The following KIN variants were observed in gnomAD, a reference collection of about 807,000 sequenced individuals.
KIN encodes the protein DNA/RNA-binding protein KIN17.
In KIN, 47 loss-of-function variants were observed where a neutral mutation model predicts 63.0. The observed-to-expected ratio is 0.75, with a 90% confidence interval of 0.59 to 0.95. The LOEUF is 0.95. Among genes scored for constraint, KIN ranks in the 40% least tolerant of loss-of-function variants. The pLI is 0.00. For synonymous variants in KIN, 160 were observed against 157.7 expected (o/e 1.01, Z -0.11); for missense variants, 408 against 460.9 (o/e 0.89, Z 1.05).
In KIN at chr10:7,781,495, G is replaced by A. The variant is rs891698315; in HGVS notation, c.210-1188C>T. 2.0e-5 allele frequency among the ~76,000 whole-genome samples: 3 copies of A among 151,938 alleles called. No individual in the cohort carries two copies. In the East Asian group the frequency reaches 5.8e-4, roughly 29 times the overall value. On this transcript the variant is annotated intron_variant, in intron 2 of 12. Coordinates refer to ENST00000379562, the MANE Select transcript of KIN (RefSeq NM_012311.4). ...GGCCTGGGTATGATGGCTCATACCT[G>A]TAATCCCAGGACTTTGGGAGATCGA...
rs146062558 is a variant in KIN at position 7,780,059 on chromosome 10, C to T, written c.373G>A (p.Glu125Lys). ...AACTTTAAAATCTCATTCTTACCTT[C>T]TCTGCCCAGCCACTTAGTAAAATCA... ...LTDFTKWLGREGLCKVDETPK... is the reference protein window; with the variant it reads ...LTDFTKWLGRKGLCKVDETPK... Residue 125 changes from glutamate (E) to lysine (K), a missense_variant, in exon 4 of 13, where the codon GAA becomes AAA. Physicochemically the swap from Glu to Lys is moderately conservative, Grantham distance 56 (BLOSUM62 1). This residue lies in a region of KIN where 110 missense variants were observed against 164.9 expected (regional missense o/e 0.67). Transcript: ENST00000379562. The T allele has an allele frequency of 5.1e-5, 83 of 1,612,262 alleles. No homozygotes were observed. Among genetic ancestry groups the T allele is most frequent in the Non-Finnish European group, 1.5e-5 (18 of 1,179,054 alleles).
chr10:7,774,617 C>A (rs1835731404), intron 7 of KIN, among the ~76,000 whole-genome samples: 1 of 151,202 alleles, frequency 6.6e-6, no homozygotes, highest in African/African-American at 2.4e-5. Context: ...ACCTTGAGCC[C>A]AGGAGTTCGA....
intron 9 of KIN, among the ~76,000 whole-genome samples, chr10:7,764,010 G>A (rs936077176): frequency 6.6e-6 from 1 of 152,006 alleles, no homozygotes; most frequent in African/African-American, 2.4e-5. Flanking sequence ...GTTAGCAAGA[G>A]GAAAAAAATA....
rs1038027893 is a variant in KIN at position 7,776,333 on chromosome 10, G to A, written c.559-534C>T. 2.7e-5 allele frequency among the ~76,000 whole-genome samples: 4 copies of A among 148,790 alleles called. No homozygotes were observed. In the South Asian group the frequency reaches 8.7e-4, roughly 32 times the overall value. On this transcript the variant is annotated intron_variant, in intron 5 of 12. Coordinates refer to ENST00000379562, the MANE Select transcript of KIN (RefSeq NM_012311.4). Reference sequence around the variant, plus strand: ...AGGCAGGTGGATCACCTGAGGTCAGGCATTCGAGATGAGCCTGGCCAACGT... The same window carrying A: ...AGGCAGGTGGATCACCTGAGGTCAGACATTCGAGATGAGCCTGGCCAACGT...
rs1350303851 is a variant in KIN, at chr10:7,755,608, A to G, written c.*472T>C. 1 of 152,348 alleles carries G rather than the reference A, an allele frequency of 6.6e-6. No individual in the cohort carries two copies. The highest frequency in any genetic ancestry group is 2.4e-5 in the African/African-American group (1 of 41,482). The allele number at this position is 152,348 out of a possible 1,614,324, so 9.4% of individuals were successfully genotyped here. A position where few individuals can be genotyped will look rare whatever the true frequency, so the allele number is the denominator to read the frequency against. ...CTGCAAAAATACTAAAAACCACTGAATTGTATGTATATTTTAAATGAGTGA... is the reference window on the plus strand; with the variant it reads ...CTGCAAAAATACTAAAAACCACTGAGTTGTATGTATATTTTAAATGAGTGA... On this transcript the variant is annotated 3_prime_UTR_variant, in exon 13 of 13. Coordinates refer to ENST00000379562, the MANE Select transcript of KIN (RefSeq NM_012311.4).
chr10:7,762,623 G>A (rs1835458902), intron 10 of KIN, 67 bp from the exon 11 acceptor site: 1 of 798,528 alleles, frequency 1.3e-6, no homozygotes, highest in East Asian at 2.7e-5. Context: ...AAGGTCAAAA[G>A]CAAATGAAAT....
chr10:7,768,600 A>G (rs78662495), intron 8 of KIN, among the ~76,000 whole-genome samples: 6,059 of 152,242 alleles, frequency 0.04, 149 homozygotes, highest in South Asian at 0.059. Flanking sequence ...GCGGAAGTCA[A>G]AGTCAACAGG....
intron 4 of KIN, 115 bp from the exon 5 acceptor site, chr10:7,779,134 G>T: frequency 2.4e-6 from 3 of 1,227,546 alleles, no homozygotes; most frequent in Non-Finnish European, 3.4e-6. Flanking sequence ...CAGGCCGAGC[G>T]CAGTGGCTTA....
Position 7,762,539 on chromosome 10 carries a change from ATATT to A in KIN, c.932_935del (p.Lys311IlefsTer5). 1 of 1,604,180 alleles carries A rather than the reference ATATT, an allele frequency of 6.2e-7. No homozygotes were observed. The highest frequency in any genetic ancestry group is 8.5e-7 in the Non-Finnish European group (1 of 1,172,494). ...AATCAATCATCTTCACAACAGCTGT[ATATT>A]TGTCAATTACTTCCTGTCATGTAAA... On this transcript the variant is annotated frameshift_variant, in exon 11 of 13. Coordinates refer to ENST00000379562, the MANE Select transcript of KIN (RefSeq NM_012311.4). LOFTEE classifies it high-confidence loss of function.
intron 6 of KIN, 85 bp from the exon 7 acceptor site, chr10:7,774,976 C>T: frequency 1.1e-6 from 1 of 952,254 alleles, no homozygotes; most frequent in Admixed American, 1.9e-5. Flanking sequence ...AAAGTGTTCA[C>T]AGAGGAACTC....
chr10:7,764,054 A>G (rs1359101333), intron 9 of KIN, among the ~76,000 whole-genome samples: 1 of 152,174 alleles, frequency 6.6e-6, no homozygotes, highest in Non-Finnish European at 1.5e-5. Context: ...TGATTTCTAC[A>G]TTGCAGATTT....
At chr10:7,776,622 T>C (rs1380943587) in intron 5 of KIN, among the ~76,000 whole-genome samples, 2 of 151,186 alleles carry the variant, frequency 1.3e-5, no homozygotes, top group Non-Finnish European at 2.9e-5. Context: ...TCCCAGCTAC[T>C]TGGGAGGCTG....
At chr10:7,764,224 C>A (rs975700553) in intron 9 of KIN, among the ~76,000 whole-genome samples, 1 of 152,174 alleles carries the variant, frequency 6.6e-6, no homozygotes, top group Non-Finnish European at 1.5e-5. Flanking sequence ...AGGCACTGAG[C>A]CTGCAAGCTT....
intron 10 of KIN, among the ~76,000 whole-genome samples, chr10:7,763,093 T>C (rs1835468894): frequency 6.6e-6 from 1 of 151,964 alleles, no homozygotes; most frequent in Admixed American, 6.6e-5. Context: ...CCGTTTCTAC[T>C]AAAAATATAA....
At chr10:7,786,002 C>T (rs1231143580) in intron 1 of KIN, among the ~76,000 whole-genome samples, 1 of 152,104 alleles carries the variant, frequency 6.6e-6, no homozygotes, top group African/African-American at 2.4e-5. Flanking sequence ...TTTGTCAAAA[C>T]CCATAGGATG....
At chr10:7,786,897 A>G (rs1293480504) in intron 1 of KIN, among the ~76,000 whole-genome samples, 1 of 152,234 alleles carries the variant, frequency 6.6e-6, no homozygotes, top group Non-Finnish European at 1.5e-5. Context: ...TATGAGTCCT[A>G]CCTAAAATAC....
In KIN at chr10:7,787,937, G is replaced by T. The variant is rs773504230; in HGVS notation, c.-4C>A. On this transcript the variant is annotated 5_prime_UTR_variant, in exon 1 of 13. Transcript: ENST00000379562. ...TAAGAAAATCCGACTTCCCCATGGC[G>T]ACCACGGCAGCGATCACTTTCTGGA... 1.2e-6 allele frequency: 2 copies of T among 1,601,716 alleles called. No homozygotes were observed. The highest frequency in any genetic ancestry group is 1.3e-5 in the African/African-American group (1 of 74,794).
At chr10:7,775,256 C>T (rs1835746605) in intron 6 of KIN, among the ~76,000 whole-genome samples, 1 of 152,220 alleles carries the variant, frequency 6.6e-6, no homozygotes, top group Non-Finnish European at 1.5e-5. Context: ...CTAATCCAAT[C>T]AACATAATCC....
intron 9 of KIN, among the ~76,000 whole-genome samples, chr10:7,765,224 G>C (rs1162981819): frequency 6.6e-6 from 1 of 150,738 alleles, no homozygotes; most frequent in Non-Finnish European, 1.5e-5. Flanking sequence ...ACCCTGGGAA[G>C]TCGAGGCAGG....
Sources: allele counts gnomAD v4.1 joint callset (sites outside exome capture counted in the v4.1 genomes callset), GRCh38; gene constraint gnomAD v4.1.1; regional missense constraint gnomAD v4.1.1; transcripts MANE v1.5; gene names NCBI Gene and HGNC (gene_info 2026-07-23, HGNC 2026-07-21).